GPC6: variants seen among roughly 807,000 people sequenced by gnomAD.
GPC6 encodes glypican 6.
In GPC6, 14 loss-of-function variants were observed where a neutral mutation model predicts 55.2. That is an observed-to-expected ratio of 0.25 (90% confidence interval 0.17 to 0.40). The LOEUF is 0.40. GPC6 is among the 10% of genes least tolerant of loss of function. The pLI, the probability that GPC6 is intolerant of heterozygous loss-of-function variation, is 1.00. For missense variants in GPC6, 641 were observed against 708.5 expected (o/e 0.90, Z 1.08); for synonymous variants, 278 against 259.6 (o/e 1.07, Z -0.68).
chr13:93,645,595 C>A (rs1880138201), intron 2 of GPC6, among the ~76,000 whole-genome samples: 1 of 152,138 alleles, frequency 6.6e-6, no homozygotes, highest in South Asian at 2.1e-4. Context: ...GACTCAAATT[C>A]CATCTTGTTC....
intron 2 of GPC6, among the ~76,000 whole-genome samples, chr13:93,755,860 T>C (rs1884749612): frequency 6.6e-6 from 1 of 152,184 alleles, no homozygotes. Context: ...AACAATATGC[T>C]TTAAAGAACA....
At chr13:93,226,004 A>AAT (rs1875767394), upstream of GPC6, among the ~76,000 whole-genome samples, 1 of 152,240 alleles carries the variant, frequency 6.6e-6, no homozygotes, top group Non-Finnish European at 1.5e-5. Flanking sequence ...TAACAAAGTC[A>AAT]ATTAGGCAAA....
chr13:94,316,716 C>CAA (rs56304226), intron 6 of GPC6, among the ~76,000 whole-genome samples: 9 of 105,054 alleles, frequency 8.6e-5, no homozygotes, highest in African/African-American at 3.1e-4. Context: ...GACTCCGTCT[C>CAA]AAAAAAAAAA....
At chr13:93,659,339 C>T (rs982072827) in intron 2 of GPC6, among the ~76,000 whole-genome samples, 4 of 152,014 alleles carry the variant, frequency 2.6e-5, no homozygotes, top group East Asian at 1.9e-4. Context: ...TTCTCTCCAT[C>T]GTACTATTCT....
At position 94,382,783 on chromosome 13, in the gene GPC6, T is replaced by A. The variant is rs4280106; in HGVS notation, c.1289+233T>A. On this transcript the variant is annotated intron_variant, in intron 7 of 8. Transcript: ENST00000377047. ...TCATTCAGAATGTCTTGCCTCTGGA[T>A]GAGGACAGAGGAATGGTGGCAGATG... is the stretch of plus-strand genomic sequence containing the variant. Among the ~76,000 whole-genome samples, 29,407 of 152,114 alleles carry A rather than the reference T, an allele frequency of 0.19. 3,155 individuals are homozygous for A. Among genetic ancestry groups the A allele is most frequent in the East Asian group, 0.29 (1,491 of 5,146 alleles).
intron 4 of GPC6, among the ~76,000 whole-genome samples, chr13:94,243,292 T>C (rs1220569052): frequency 6.6e-6 from 1 of 152,066 alleles, no homozygotes; most frequent in Non-Finnish European, 1.5e-5. Flanking sequence ...GCCACCAAAT[T>C]TTAAAATTAT....
intron 1 of GPC6, among the ~76,000 whole-genome samples, chr13:93,373,016 G>A (rs1251298479): frequency 2.6e-5 from 4 of 152,074 alleles, no homozygotes; most frequent in Admixed American, 2.0e-4. Flanking sequence ...GGAGCAGCAC[G>A]CAATTAGCTA....
chr13:93,980,034 C>T (rs1341863913), intron 3 of GPC6, among the ~76,000 whole-genome samples: 3 of 152,126 alleles, frequency 2.0e-5, no homozygotes, highest in Non-Finnish European at 4.4e-5. Flanking sequence ...CAGGCAACCT[C>T]TTTTTCCACT....
Position 93,817,951 on chromosome 13 carries a change from A to G in GPC6, c.320-12203A>G, listed in dbSNP as rs1469885710. On this transcript the variant is annotated intron_variant, in intron 2 of 8. Transcript: ENST00000377047. ...CTATTATAGATATAATTTATTAGTTATACCTATATATATAATACATAAATA... is the reference window on the plus strand; with the variant it reads ...CTATTATAGATATAATTTATTAGTTGTACCTATATATATAATACATAAATA... Among the ~76,000 whole-genome samples, 32 of 148,060 alleles carry G rather than the reference A, an allele frequency of 2.2e-4. No individual in the cohort carries two copies. In the Admixed American group the frequency reaches 2.2e-3, roughly 10 times the overall value.
At chr13:93,901,742 A>G (rs1215658417) in intron 3 of GPC6, among the ~76,000 whole-genome samples, 3 of 151,990 alleles carry the variant, frequency 2.0e-5, no homozygotes, top group African/African-American at 4.8e-5. Flanking sequence ...CTCTACTAAA[A>G]ATACAAAAAG....
intron 2 of GPC6, among the ~76,000 whole-genome samples, chr13:93,789,505 C>G (rs12872925): frequency 5.0e-5 from 4 of 80,280 alleles, no homozygotes; most frequent in African/African-American, 9.4e-5. Context: ...CTCTCTCTCT[C>G]TCTCTATATA....
chr13:93,837,392 C>T (rs117039747), intron 3 of GPC6, among the ~76,000 whole-genome samples: 168 of 152,224 alleles, frequency 1.1e-3, no homozygotes, highest in East Asian at 5.0e-3. Context: ...CTGTATTGTA[C>T]CTATCGAATA....
intron 4 of GPC6, among the ~76,000 whole-genome samples, chr13:94,133,105 T>C (rs1887057391): frequency 6.6e-6 from 1 of 151,984 alleles, no homozygotes; most frequent in African/African-American, 2.4e-5. Flanking sequence ...GTCTTTTCTG[T>C]CATTCACTCA....
At position 93,643,533 on chromosome 13, in the gene GPC6, G is replaced by C. The variant is rs578232745; in HGVS notation, c.319+98112G>C. ...GGAAGTAACTAAAATCTATGGGAAG[G>C]ATAAAGGAAAGTAAGAGCTATTTTA... On this transcript the variant is annotated intron_variant, in intron 2 of 8. Coordinates refer to ENST00000377047, the MANE Select transcript of GPC6 (RefSeq NM_005708.5). 2.2e-4 allele frequency among the ~76,000 whole-genome samples: 33 copies of C among 152,194 alleles called. No individual in the cohort carries two copies. The South Asian group carries it at 6.8e-3, about 32-fold the overall frequency.
chr13:93,630,353 A>C (rs1197208167), intron 2 of GPC6, among the ~76,000 whole-genome samples: 2 of 152,186 alleles, frequency 1.3e-5, no homozygotes, highest in Admixed American at 6.5e-5. Context: ...TTCTACGGAC[A>C]CTTCTGAAAC....
chr13:93,676,184 CACACACATAT>C (rs1566481878), intron 2 of GPC6, among the ~76,000 whole-genome samples: 3 of 78,940 alleles, frequency 3.8e-5, no homozygotes, highest in African/African-American at 1.2e-4. Context: ...CACACACACA[CACACACATAT>C]ATATGTATGT....
intron 4 of GPC6, among the ~76,000 whole-genome samples, chr13:94,279,030 C>A (rs1892294312): frequency 6.6e-6 from 1 of 152,078 alleles, no homozygotes; most frequent in South Asian, 2.1e-4. Flanking sequence ...CCTCTTTGTA[C>A]CTCTGGTAGA....
At chr13:94,088,641 G>A (rs978568602) in intron 4 of GPC6, among the ~76,000 whole-genome samples, 3 of 151,978 alleles carry the variant, frequency 2.0e-5, no homozygotes, top group African/African-American at 7.2e-5. Flanking sequence ...AGCTACTATA[G>A]CCTCTTCTCT....
intron 3 of GPC6, among the ~76,000 whole-genome samples, chr13:93,963,428 A>G (rs927359325): frequency 3.9e-5 from 6 of 152,208 alleles, no homozygotes; most frequent in Non-Finnish European, 4.4e-5. Flanking sequence ...TGATGCAAAC[A>G]TCTTCCACAT....
Sources: allele counts gnomAD v4.1 joint callset (sites outside exome capture counted in the v4.1 genomes callset), GRCh38; gene constraint gnomAD v4.1.1; transcripts MANE v1.5; gene names NCBI Gene and HGNC (gene_info 2026-07-23, HGNC 2026-07-21).